CHIC1: variants seen among roughly 807,000 people sequenced by gnomAD.
CHIC1 encodes the protein cysteine rich hydrophobic domain 1.
CHIC1 carries 7 observed loss-of-function variants against 18.5 expected under a neutral mutation model. The observed-to-expected ratio is 0.38, with a 90% CI of 0.22 to 0.71. CHIC1 has a LOEUF of 0.71. Ranked by LOEUF, CHIC1 falls within the 30% of genes least tolerant of loss-of-function variation. CHIC1 has a pLI of 0.49. For missense variants in CHIC1, 159 were observed against 176.9 expected, an observed-to-expected ratio of 0.90 and a Z score of 0.57; for synonymous variants, 77 against 73.5, an observed-to-expected ratio of 1.05 and a Z score of -0.25.
rs2057655891 is a variant in CHIC1, at chrX:73,602,429, G to A, written c.507+17857G>A. ...TCTGGAGATTAGCCCTTTTTCAGAT[G>A]GATAGATTGCAAACATTTTCTCCCA... On this transcript the variant is annotated intron_variant, in intron 3 of 5. Coordinates refer to ENST00000373502, the MANE Select transcript of CHIC1 (RefSeq NM_001039840.4). 5.5e-5 allele frequency among the ~76,000 whole-genome samples: 6 copies of A among 108,301 alleles called. No homozygotes were observed. The Admixed American group carries it at 5.8e-4, about 10-fold the overall frequency. 94.0% of individuals were successfully genotyped at this position (108,301 alleles called of 115,157 possible).
chrX:73,615,637 G>C, intron 3 of CHIC1, among the ~76,000 whole-genome samples: 3 of 111,310 alleles, frequency 2.7e-5, no homozygotes. Flanking sequence ...TCTCTAGGCT[G>C]CTGGAAAATG....
At chrX:73,585,940 A>C (rs190375335) in intron 3 of CHIC1, among the ~76,000 whole-genome samples, 1 of 111,422 alleles carries the variant, frequency 9.0e-6, no homozygotes, top group East Asian at 2.8e-4. Context: ...TTAAAAGCTC[A>C]TAGTGAAGTT....
intron 3 of CHIC1, among the ~76,000 whole-genome samples, chrX:73,594,644 C>A (rs1402896867): frequency 8.9e-6 from 1 of 112,103 alleles, no homozygotes; most frequent in African/African-American, 3.2e-5. Flanking sequence ...AAGTACACGA[C>A]TTGGAGCCCT....
intron 1 of CHIC1, among the ~76,000 whole-genome samples, chrX:73,570,838 A>G (rs973483480): frequency 1.8e-5 from 2 of 111,312 alleles, no homozygotes; most frequent in East Asian, 5.6e-4. Context: ...GCAGAATGAA[A>G]GAATGGGAAT....
chrX:73,662,966 C>T (rs1311340679), intron 3 of CHIC1, among the ~76,000 whole-genome samples: 1 of 111,994 alleles, frequency 8.9e-6, no homozygotes, highest in Non-Finnish European at 1.9e-5. Context: ...TGAAGAAGCA[C>T]TTTCCAGTGA....
chrX:73,634,916 C>G (rs146013882), intron 3 of CHIC1, among the ~76,000 whole-genome samples: 1,388 of 111,074 alleles, frequency 0.012, 25 homozygotes, highest in African/African-American at 0.044. Context: ...TAAATTGAAA[C>G]TGTAGTTTTT....
chrX:73,594,552 G>C (rs940828045), intron 3 of CHIC1, among the ~76,000 whole-genome samples: 2 of 112,057 alleles, frequency 1.8e-5, no homozygotes, highest in Non-Finnish European at 3.8e-5. Context: ...CAATCCAGTA[G>C]ATAGAGTTTA....
chrX:73,617,209 A>C (rs1414166398), intron 3 of CHIC1, among the ~76,000 whole-genome samples: 1 of 111,921 alleles, frequency 8.9e-6, no homozygotes, highest in African/African-American at 3.3e-5. Context: ...CTCTTTGCTA[A>C]AACATAGCAA....
chrX:73,652,785 T>C (rs1202111044), intron 3 of CHIC1, among the ~76,000 whole-genome samples: 1 of 112,212 alleles, frequency 8.9e-6, no homozygotes, highest in Non-Finnish European at 1.9e-5. Flanking sequence ...ATTGGTGGAA[T>C]GTAAACTAGT....
At chrX:73,650,610 C>T (rs1458231125) in intron 3 of CHIC1, among the ~76,000 whole-genome samples, 2 of 108,798 alleles carry the variant, frequency 1.8e-5, no homozygotes, top group African/African-American at 6.7e-5. Context: ...GACACATACA[C>T]CCTCCCAAGA....
chrX:73,675,803 G>C (rs1482733984), intron 3 of CHIC1, among the ~76,000 whole-genome samples: 1 of 110,872 alleles, frequency 9.0e-6, no homozygotes, highest in African/African-American at 3.3e-5. Flanking sequence ...TTGCTCGTTA[G>C]TTGATGCAGT....
chrX:73,655,252 C>T (rs1220884269), intron 3 of CHIC1, among the ~76,000 whole-genome samples: 3 of 107,645 alleles, frequency 2.8e-5, no homozygotes, highest in Non-Finnish European at 5.8e-5. Flanking sequence ...TTCATGGCTA[C>T]ATAATATTCC....
At chrX:73,668,489 G>A (rs2058014937) in intron 3 of CHIC1, among the ~76,000 whole-genome samples, 1 of 111,469 alleles carries the variant, frequency 9.0e-6, no homozygotes, top group Admixed American at 9.6e-5. Flanking sequence ...TCATCCTTGT[G>A]GGATTATCTA....
chrX:73,664,058 T>C (rs1270219973), intron 3 of CHIC1, among the ~76,000 whole-genome samples: 1 of 111,326 alleles, frequency 9.0e-6, no homozygotes, highest in African/African-American at 3.3e-5. Context: ...TCCAGTCCTG[T>C]GCTCCCAGTG....
At chrX:73,619,843 G>T (rs2057751291) in intron 3 of CHIC1, among the ~76,000 whole-genome samples, 1 of 110,905 alleles carries the variant, frequency 9.0e-6, no homozygotes, top group African/African-American at 3.3e-5. Context: ...TTCTCCTAAT[G>T]CTATCCCTCC....
intron 3 of CHIC1, among the ~76,000 whole-genome samples, chrX:73,663,407 G>T (rs1370847604): frequency 1.8e-5 from 2 of 110,768 alleles, no homozygotes; most frequent in African/African-American, 3.3e-5. Flanking sequence ...TTAGAAAGGG[G>T]TCTGCAGAGT....
intron 3 of CHIC1, among the ~76,000 whole-genome samples, chrX:73,620,512 G>A (rs1383049979): frequency 8.9e-6 from 1 of 112,097 alleles, no homozygotes; most frequent in Non-Finnish European, 1.9e-5. Flanking sequence ...CTTTTAAGAA[G>A]TGTCTATTCA....
chrX:73,569,642 A>G (rs760387422), intron 1 of CHIC1, among the ~76,000 whole-genome samples: 8 of 111,780 alleles, frequency 7.2e-5, no homozygotes, highest in Non-Finnish European at 1.5e-4. Context: ...TGGTTTGTTT[A>G]TGAAACCTAA....
rs1382152702 is a variant in CHIC1 at position 73,611,129 on chromosome X, C to A, written c.507+26557C>A. Among the ~76,000 whole-genome samples the A allele has an allele frequency of 3.7e-5, 4 of 107,639 alleles. 1 individual carries two copies. The highest frequency in any genetic ancestry group is 1.5e-4 in the African/African-American group (4 of 27,531). The allele number at this position is 107,639 out of a possible 115,157, so 93.5% of individuals were successfully genotyped here. A position where few individuals can be genotyped will look rare whatever the true frequency, so the allele number is the denominator to read the frequency against. On this transcript the variant is annotated intron_variant, in intron 3 of 5. Transcript: ENST00000373502. ...TGGTGTGCTGCACCCATTAACTCGT[C>A]ATTTAACATTAGGTATATCTCCTAA...
Sources: gnomAD v4.1 joint callset for allele counts (sites outside exome capture counted in the v4.1 genomes callset) on GRCh38, gnomAD v4.1.1 for gene constraint, MANE v1.5 for transcripts, NCBI Gene and HGNC (gene_info 2026-07-23, HGNC 2026-07-21) for gene names.